The following NFATC4 variants were observed in gnomAD, a reference collection of about 807,000 sequenced individuals.
NFATC4 encodes the protein nuclear factor of activated T cells 4.
Under a neutral mutation model 73.4 loss-of-function variants are expected in NFATC4, and 25 were observed. The ratio of observed to expected loss-of-function variants is 0.34; its 90% CI spans 0.25 to 0.48. The LOEUF is 0.48. NFATC4 is among the 20% of genes least tolerant of loss of function. The probability of loss-of-function intolerance (pLI) is 0.99; values close to 1 mark genes in which losing one functional copy is unlikely to be tolerated. For missense variants in NFATC4, 1,130 were observed against 1,203.7 expected (o/e 0.94, Z 0.91); for synonymous variants, 523 against 510.3 (o/e 1.02, Z -0.34).
intron 5 of NFATC4, 152 bp downstream of exon 5, chr14:24,374,019 G>T (rs1309985032): frequency 8.5e-7 from 1 of 1,180,698 alleles, no homozygotes; most frequent in East Asian, 2.5e-5. Flanking sequence ...ATTCTAGTTT[G>T]CCCCTGCCAC....
Position 24,370,524 on chromosome 14 carries a change from G to A in NFATC4, c.1126G>A (p.Asp376Asn). ...GGSRKEVAGM[D>N]YLAVPSPLAW... ...TTCCCGGAAGGAGGTGGCTGGCATGGACTACCTGGCAGTGCCCTCCCCACT... is the reference window on the plus strand; with the variant it reads ...TTCCCGGAAGGAGGTGGCTGGCATGAACTACCTGGCAGTGCCCTCCCCACT... Residue 376 changes from aspartate (D) to asparagine (N), a missense_variant, in exon 2 of 10, where the codon GAC becomes AAC. Around this residue, in one of 3 missense-constraint regions of NFATC4, gnomAD observed 585 missense variants for 574.3 expected, o/e 1.02. Transcript: ENST00000250373. 1.2e-6 allele frequency: 2 copies of A among 1,614,168 alleles called. No homozygotes were observed. The highest frequency in any genetic ancestry group is 1.7e-6 in the Non-Finnish European group (2 of 1,180,006).
At chr14:24,369,279 C>T in intron 1 of NFATC4, 2 of 1,551,118 alleles carry the variant, frequency 1.3e-6, no homozygotes, top group Non-Finnish European at 8.7e-7. Context: ...ACCCTCGGTC[C>T]TAGGATCCAG....
intron 1 of NFATC4, chr14:24,368,989 C>T: frequency 8.2e-7 from 1 of 1,225,380 alleles, no homozygotes; most frequent in Non-Finnish European, 1.0e-6. Flanking sequence ...GCATCACCCC[C>T]TCGGCTGCAC....
intron 5 of NFATC4, 180 bp downstream of exon 5, chr14:24,374,047 T>A: frequency 1.0e-6 from 1 of 987,628 alleles, no homozygotes; most frequent in Non-Finnish European, 1.6e-6. Flanking sequence ...GTCTCTGGGG[T>A]GGCCCAGAGT....
Position 24,373,506 on chromosome 14 carries a change from C to A in NFATC4, c.1559+136C>A, listed in dbSNP as rs1328418380. 5.1e-6 allele frequency: 7 copies of A among 1,361,188 alleles called. No homozygotes were observed. The highest frequency in any genetic ancestry group is 6.0e-6 in the Non-Finnish European group (6 of 994,424). 84.3% of individuals were successfully genotyped at this position (1,361,188 alleles called of 1,614,324 possible). ...AGGAGCTGGCTTCAGGCCTACCCAC[C>A]ATCTGGAAGAGGACTTTTGGGGTTG... is the stretch of plus-strand genomic sequence containing the variant. On this transcript the variant is annotated intron_variant, in intron 4 of 9. Coordinates refer to ENST00000250373, the MANE Select transcript of NFATC4 (RefSeq NM_004554.5). The surrounding 1 kb of genome is among the most constrained non-coding windows in gnomAD (Gnocchi z 4.7).
Position 24,369,884 on chromosome 14 carries a change from T to TG in NFATC4, c.493dup (p.Ala165GlyfsTer23), listed in dbSNP as rs751744912. On this transcript the variant is annotated frameshift_variant, in exon 2 of 10. Coordinates refer to ENST00000250373, the MANE Select transcript of NFATC4 (RefSeq NM_004554.5). LOFTEE classifies it high-confidence loss of function. ...GCTACAGAGAAGCAGGGGGCCAGGG[T>TG]GGGGGGGCCTTCTTCAGCCCAAGCC... 5 of 1,609,518 alleles carry TG rather than the reference T, an allele frequency of 3.1e-6. No homozygotes were observed. Among genetic ancestry groups the TG allele is most frequent in the African/African-American group, 1.3e-5 (1 of 74,746 alleles).
Position 24,377,006 on chromosome 14 carries a change from C to A in NFATC4, c.2641+128C>A. ...GGTCTCTCAGGGCCAGTTGGAGGTT[C>A]CCAGGAGGCATGTTCTTGATGCCTG... On this transcript the variant is annotated intron_variant, in intron 9 of 9. Transcript: ENST00000250373. This position sits in a 1 kb window ranked among gnomAD's most constrained non-coding sequence, Gnocchi z 4.2. 1 of 1,396,982 alleles carries A rather than the reference C, an allele frequency of 7.2e-7. No individual in the cohort carries two copies. Among genetic ancestry groups the A allele is most frequent in the South Asian group, 1.7e-5 (1 of 58,266 alleles). The allele number at this position is 1,396,982 out of a possible 1,614,324, so 86.5% of individuals were successfully genotyped here.
At position 24,376,608 on chromosome 14, in the gene NFATC4, C is replaced by T; in HGVS notation, c.2371C>T (p.Pro791Ser). The T allele has an allele frequency of 1.2e-6, 2 of 1,613,782 alleles. No individual in the cohort carries two copies. Among genetic ancestry groups the T allele is most frequent in the Non-Finnish European group, 8.5e-7 (1 of 1,179,878 alleles). The change falls in exon 9 of 10, where the codon CCG (proline) becomes TCG (serine). Residue 791 changes from proline (P) to serine (S), a missense_variant. Pro to Ser is a moderately conservative substitution (Grantham distance 74). Around this residue, in one of 3 missense-constraint regions of NFATC4, gnomAD observed 390 missense variants for 408.1 expected, o/e 0.96. Transcript: ENST00000250373. This position sits in a 1 kb window ranked among gnomAD's most constrained non-coding sequence, Gnocchi z 5.0. ...SFLPRPFPSD[P>S]YGGRGSSFSL... is the part of the protein sequence containing the mutation. ...CCTTCCCCGCCCCTTCCCTAGTGAC[C>T]CGTATGGAGGGCGGGGCTCCTCTTT...
Position 24,376,334 on chromosome 14 carries a change from G to A in NFATC4, c.2097G>A (p.Arg699=). ...AGCCCCTACCGGACTCATCTCTGCG[G>A]GGTTTCCCTTCAGCATCGGCAACCC... ...KEEPLPDSSL[R]GFPSASATPF... Residue 699 remains arginine (R), a synonymous_variant, in exon 9 of 10, where the codon CGG becomes CGA. Transcript: ENST00000250373. This position sits in a 1 kb window ranked among gnomAD's most constrained non-coding sequence, Gnocchi z 5.0. 1 of 1,601,038 alleles carries A rather than the reference G, an allele frequency of 6.2e-7. No homozygotes were observed. Among genetic ancestry groups the A allele is most frequent in the East Asian group, 2.2e-5 (1 of 44,836 alleles).
upstream of NFATC4, chr14:24,368,133 G>GC: frequency 9.5e-7 from 1 of 1,055,706 alleles, no homozygotes; most frequent in Non-Finnish European, 1.1e-6. Context: ...GGACAGGCTG[G>GC]GGGGGGGACC....
At position 24,376,404 on chromosome 14, in the gene NFATC4, C is replaced by G; in HGVS notation, c.2167C>G (p.Pro723Ala). 1 of 1,613,568 alleles carries G rather than the reference C, an allele frequency of 6.2e-7. No individual in the cohort carries two copies. Among genetic ancestry groups the G allele is most frequent in the Non-Finnish European group, 8.5e-7 (1 of 1,179,738 alleles). The change falls in exon 9 of 10, where the codon CCC becomes GCC. Residue 723 changes from proline to alanine, a missense_variant. Around this residue, in one of 3 missense-constraint regions of NFATC4, gnomAD observed 390 missense variants for 408.1 expected, o/e 0.96. Coordinates refer to ENST00000250373, the MANE Select transcript of NFATC4 (RefSeq NM_004554.5). The surrounding 1 kb of genome is among the most constrained non-coding windows in gnomAD (Gnocchi z 5.0). Reference sequence around the variant, plus strand: ...CTTCTCACCACCCAGGCCCCCCTACCCCTCCTATCCCCATGAAGACCCTGC... The same window carrying G: ...CTTCTCACCACCCAGGCCCCCCTACGCCTCCTATCCCCATGAAGACCCTGC... ...MDFSPPRPPY[P>A]SYPHEDPACE...
Position 24,377,836 on chromosome 14 carries a change from T to C in NFATC4, c.*131T>C. ...CTCCTCTTTCCCCAGCTTCTGTCTG[T>C]CTCACTGTCTTCCCTCCCCTCCCCC... is the stretch of plus-strand genomic sequence containing the variant. On this transcript the variant is annotated 3_prime_UTR_variant, in exon 10 of 10. Transcript: ENST00000250373. This position sits in a 1 kb window ranked among gnomAD's most constrained non-coding sequence, Gnocchi z 4.2. 4.0e-6 allele frequency: 6 copies of C among 1,514,090 alleles called. No individual in the cohort carries two copies. The highest frequency in any genetic ancestry group is 3.5e-6 in the Non-Finnish European group (4 of 1,127,520). 93.8% of individuals were successfully genotyped at this position (1,514,090 alleles called of 1,614,324 possible).
At chr14:24,374,275 CA>C (rs2042553714) in intron 5 of NFATC4, 50 bp from the exon 6 acceptor site, 3 of 1,564,688 alleles carry the variant, frequency 1.9e-6, no homozygotes. Flanking sequence ...CAGAGGAGGC[CA>C]CCCCTCCATG....
rs1829023040 is a variant in NFATC4, at chr14:24,368,362, G to T, written c.22G>T (p.Asp8Tyr). The T allele has an allele frequency of 7.2e-7, 1 of 1,381,756 alleles. No individual in the cohort carries two copies. The highest frequency in any genetic ancestry group is 1.8e-5 in the South Asian group (1 of 54,432). The allele number at this position is 1,381,756 out of a possible 1,614,324, so 85.6% of individuals were successfully genotyped here. Reference sequence around the variant, plus strand: ...ATCCATGGGGGCGGCCAGCTGCGAGGATGAGGAGCTGGAATTTAAGCTGGT... The same window carrying T: ...ATCCATGGGGGCGGCCAGCTGCGAGTATGAGGAGCTGGAATTTAAGCTGGT... Reference protein sequence around the residue: MGAASCEDEELEFKLVFG... With the variant: MGAASCEYEELEFKLVFG... Residue 8 changes from aspartate (D) to tyrosine (Y), a missense_variant, in exon 1 of 10, where the codon GAT becomes TAT. By Grantham distance (160) the Asp-to-Tyr change is radical. Transcript: ENST00000250373.
In NFATC4 at chr14:24,373,021, C is replaced by A. The variant is rs765917114; in HGVS notation, c.1360-150C>A. The A allele has an allele frequency of 6.4e-6, 5 of 784,244 alleles. No individual in the cohort carries two copies. The highest frequency in any genetic ancestry group is 1.7e-5 in the African/African-American group (1 of 57,242). 48.6% of individuals were successfully genotyped at this position (784,244 alleles called of 1,614,324 possible). On this transcript the variant is annotated intron_variant, in intron 3 of 9. Coordinates refer to ENST00000250373, the MANE Select transcript of NFATC4 (RefSeq NM_004554.5). The surrounding 1 kb of genome is among the most constrained non-coding windows in gnomAD (Gnocchi z 4.7). The stretch of plus-strand genomic sequence containing the variant: ...TGAACTCCAGGCCATGTTTTCTCCA[C>A]AACGGGTGCCCAGTTCCCCAAGGGA...
chr14:24,374,433 G>A lies in NFATC4; in HGVS notation c.1840G>A (p.Asp614Asn). Residue 614 changes from aspartate (D) to asparagine (N), a missense_variant, in exon 6 of 10, where the codon GAC (aspartate) becomes AAC (asparagine). Coordinates refer to ENST00000250373, the MANE Select transcript of NFATC4 (RefSeq NM_004554.5). Reference sequence around the variant, plus strand: ...ACTGACTGGCTCCAACTTCCTGCCAGACTCCAAGGTGGTGTTCATTGAGAG... The same window carrying A: ...ACTGACTGGCTCCAACTTCCTGCCAAACTCCAAGGTGGTGTTCATTGAGAG... ...LVLTGSNFLP[D>N]SKVVFIERGP... 7 of 1,614,058 alleles carry A rather than the reference G, an allele frequency of 4.3e-6. No individual in the cohort carries two copies. The highest frequency in any genetic ancestry group is 5.9e-6 in the Non-Finnish European group (7 of 1,179,950).
In NFATC4 at chr14:24,373,081, C is replaced by A; in HGVS notation, c.1360-90C>A. On this transcript the variant is annotated intron_variant, in intron 3 of 9. Coordinates refer to ENST00000250373, the MANE Select transcript of NFATC4 (RefSeq NM_004554.5). The surrounding 1 kb of genome is among the most constrained non-coding windows in gnomAD (Gnocchi z 4.7). ...AGGATATCCTTTATCTTTCACCATT[C>A]CCATCCCATGGTAGACTGAAAATCT... 7.7e-7 allele frequency: 1 copy of A among 1,306,528 alleles called. No individual in the cohort carries two copies. The highest frequency in any genetic ancestry group is 1.1e-6 in the Non-Finnish European group (1 of 931,858). 80.9% of individuals were successfully genotyped at this position (1,306,528 alleles called of 1,614,324 possible).
In NFATC4 at chr14:24,373,950, T is replaced by C. The variant is rs781501608; in HGVS notation, c.1732+83T>C. On this transcript the variant is annotated intron_variant, in intron 5 of 9. Transcript: ENST00000250373. This position sits in a 1 kb window ranked among gnomAD's most constrained non-coding sequence, Gnocchi z 4.7. Reference sequence around the variant, plus strand: ...TGTGTGTCTGTCTGCCCATTCCCTCTGCAGCGTCCTGTGCCCTGTCTGTCC... The same window carrying C: ...TGTGTGTCTGTCTGCCCATTCCCTCCGCAGCGTCCTGTGCCCTGTCTGTCC... 5 of 1,556,338 alleles carry C rather than the reference T, an allele frequency of 3.2e-6. No homozygotes were observed. In the South Asian group the frequency reaches 4.6e-5, roughly 14 times the overall value.
chr14:24,372,724 G>T, intron 3 of NFATC4, 121 bp downstream of exon 3: 1 of 1,320,762 alleles, frequency 7.6e-7, no homozygotes, highest in Non-Finnish European at 1.1e-6. Flanking sequence ...CAGGCAGCCT[G>T]GGGGAGGGGC....
Sources: gnomAD v4.1 joint callset for allele counts on GRCh38, gnomAD v4.1.1 for gene constraint, gnomAD v4.1.1 regional missense constraint, Gnocchi (gnomAD v3.1) non-coding constraint, MANE v1.5 for transcripts, NCBI Gene and HGNC (gene_info 2026-07-23, HGNC 2026-07-21) for gene names.